Variants in USH2A observed in about 807,000 individuals in gnomAD.
The protein encoded by USH2A is usherin.
Under a neutral mutation model 538.9 loss-of-function variants are expected in USH2A, and 443 were observed. That is an observed-to-expected ratio of 0.82 (90% CI 0.76 to 0.89). The LOEUF (loss-of-function observed/expected upper bound fraction) is 0.89, where lower values mean the gene tolerates loss of function less well. Among genes scored for constraint, USH2A ranks in the 40% least tolerant of loss-of-function variants. USH2A has a pLI of 0.00. For synonymous variants in USH2A, 2,413 were observed against 2,273.5 expected, an observed-to-expected ratio of 1.06 and a Z score of -1.75; for missense variants, 6,633 against 6,324.8, an observed-to-expected ratio of 1.05 and a Z score of -1.65.
chr1:215,852,070 A>T (rs535249919), intron 44 of USH2A, among the ~76,000 whole-genome samples: 24 of 152,324 alleles, frequency 1.6e-4, no homozygotes, highest in Admixed American at 3.9e-4. Flanking sequence ...TGATAAACCC[A>T]CAGCTAACAT....
intron 3 of USH2A, among the ~76,000 whole-genome samples, chr1:216,366,857 T>C (rs1361785027): frequency 6.6e-6 from 1 of 152,198 alleles, no homozygotes; most frequent in Admixed American, 6.5e-5. Flanking sequence ...GTAGTAGGGC[T>C]GCATTTTTTT....
At chr1:216,256,512 A>C (rs2102559626) in intron 11 of USH2A, among the ~76,000 whole-genome samples, 1 of 151,976 alleles carries the variant, frequency 6.6e-6, no homozygotes, top group African/African-American at 2.4e-5. Flanking sequence ...ACGGTATACA[A>C]TTGTCCCTTG....
rs202172477 is a variant in USH2A at position 215,790,125 on chromosome 1, A to T, written c.10116T>A (p.Asn3372Lys). The change falls in exon 51 of 72, where the codon AAT (asparagine) becomes AAA (lysine). Residue 3372 changes from asparagine to lysine, a missense_variant. Transcript: ENST00000307340. ...ATTTCAAAGGATTATATCCAACTCCATTACAGCATTTCTGGCTCTTTGGAA... is the reference window on the plus strand; with the variant it reads ...ATTTCAAAGGATTATATCCAACTCCTTTACAGCATTTCTGGCTCTTTGGAA... ...ELIPKSQKCC[N>K]GVGYNPLKYV... The T allele has an allele frequency of 7.9e-5, 127 of 1,613,790 alleles. No homozygotes were observed. The highest frequency in any genetic ancestry group is 6.8e-5 in the Non-Finnish European group (80 of 1,179,980).
chr1:215,832,890 T>G (rs1663366056), intron 47 of USH2A, among the ~76,000 whole-genome samples: 1 of 151,934 alleles, frequency 6.6e-6, no homozygotes, highest in African/African-American at 2.4e-5. Context: ...GTAAGCTCAC[T>G]ATTCCAAAAT....
At chr1:216,297,267 A>G (rs908354676) in intron 9 of USH2A, among the ~76,000 whole-genome samples, 1 of 152,046 alleles carries the variant, frequency 6.6e-6, no homozygotes, top group African/African-American at 2.4e-5. Flanking sequence ...CCCTCAGCAA[A>G]CTTGCCTACT....
chr1:216,305,457 A>C (rs1334797140), intron 9 of USH2A, among the ~76,000 whole-genome samples: 1 of 152,044 alleles, frequency 6.6e-6, no homozygotes, highest in South Asian at 2.1e-4. Context: ...GTGAGTTCTT[A>C]TCCTTTCTGC....
In USH2A at chr1:215,623,445, G is replaced by A. The variant is rs1655876000; in HGVS notation, c.*2336C>T. 2 of 151,404 alleles carry A rather than the reference G, an allele frequency of 1.3e-5. No individual in the cohort carries two copies. The highest frequency in any genetic ancestry group is 4.1e-4 in the South Asian group (2 of 4,820). The allele number at this position is 151,404 out of a possible 1,614,324, so 9.4% of individuals were successfully genotyped here. A position where few individuals can be genotyped will look rare whatever the true frequency, so the allele number is the denominator to read the frequency against. On this transcript the variant is annotated 3_prime_UTR_variant, in exon 72 of 72. Coordinates refer to ENST00000307340, the MANE Select transcript of USH2A (RefSeq NM_206933.4). ...AGCTTTAAAAAGTACTGATGCCTCA[G>A]CCACACACCCCAGATCAACCGAATC...
At position 215,628,469 on chromosome 1, in the gene USH2A, G is replaced by A. The variant is rs529556960; in HGVS notation, c.15519+345C>T. Among the ~76,000 whole-genome samples the A allele has an allele frequency of 1.7e-3, 258 of 152,200 alleles. 1 individual carries two copies. Among genetic ancestry groups the A allele is most frequent in the African/African-American group, 5.9e-3 (247 of 41,516 alleles). On this transcript the variant is annotated intron_variant, in intron 71 of 71. Transcript: ENST00000307340. ...GGCTAATTTTTGTATTTTTAGTACA[G>A]ACAGGGTTTCACCATGTTGGCCAGG...
chr1:215,998,899 G>A lies in USH2A; in HGVS notation c.6645C>T (p.Leu2215=). The change falls in exon 34 of 72, where the codon CTC becomes CTT. Residue 2215 remains leucine, a synonymous_variant. Coordinates refer to ENST00000307340, the MANE Select transcript of USH2A (RefSeq NM_206933.4). The stretch of plus-strand genomic sequence containing the variant: ...GAAATAAACTTACTCCCAGCTTGAT[G>A]AGATATTTATTACCAGGTAAAACGT... ...LQYVLPGNKY[L]IKLGACTGGG... 1 of 1,613,006 alleles carries A rather than the reference G, an allele frequency of 6.2e-7. No individual in the cohort carries two copies. Among genetic ancestry groups the A allele is most frequent in the South Asian group, 1.1e-5 (1 of 91,050 alleles).
chr1:215,802,173 G>A (rs1006811845), intron 49 of USH2A, among the ~76,000 whole-genome samples: 12 of 151,870 alleles, frequency 7.9e-5, no homozygotes, highest in Non-Finnish European at 7.4e-5. Context: ...ATTCTTAGAC[G>A]AAAGCAAAGG....
intron 64 of USH2A, among the ~76,000 whole-genome samples, chr1:215,665,386 G>A (rs751216454): frequency 1.1e-4 from 17 of 152,148 alleles, no homozygotes; most frequent in Non-Finnish European, 1.3e-4. Context: ...CTGAGTGTGC[G>A]TGGGTGCTTA....
intron 61 of USH2A, among the ~76,000 whole-genome samples, chr1:215,707,051 G>A (rs1302257778): frequency 6.6e-6 from 1 of 152,174 alleles, no homozygotes; most frequent in Non-Finnish European, 1.5e-5. Context: ...GCAGATCAAA[G>A]ATTGTTTTTA....
chr1:216,087,055 C>A, intron 23 of USH2A: 1 of 482,860 alleles, frequency 2.1e-6, no homozygotes, highest in Non-Finnish European at 3.9e-6. Flanking sequence ...TACCCATAGG[C>A]ACCCCCTAAG....
chr1:216,262,138 T>G (rs1390623846), intron 11 of USH2A, among the ~76,000 whole-genome samples: 1 of 152,062 alleles, frequency 6.6e-6, no homozygotes, highest in South Asian at 2.1e-4. Context: ...CAGGTATCAA[T>G]GTAGGAACAC....
chr1:215,731,106 C>A (rs1659983058), intron 60 of USH2A, among the ~76,000 whole-genome samples: 2 of 152,132 alleles, frequency 1.3e-5, no homozygotes, highest in South Asian at 4.1e-4. Context: ...CTCACGAATT[C>A]CCAAATTGAG....
At chr1:216,386,070 T>C (rs2038998410) in intron 3 of USH2A, among the ~76,000 whole-genome samples, 2 of 152,208 alleles carry the variant, frequency 1.3e-5, no homozygotes, top group Admixed American at 1.3e-4. Context: ...ACCAAGAGCC[T>C]AGTTAACTGG....
intron 22 of USH2A, among the ~76,000 whole-genome samples, chr1:216,094,605 C>A (rs576827149): frequency 7.2e-5 from 11 of 152,168 alleles, no homozygotes; most frequent in Non-Finnish European, 7.4e-5. Flanking sequence ...TTCACTGATG[C>A]TTCTTCTTTT....
At chr1:215,754,610 AAAG>A (rs1660731313) in intron 58 of USH2A, among the ~76,000 whole-genome samples, 1 of 152,202 alleles carries the variant, frequency 6.6e-6, no homozygotes, top group Non-Finnish European at 1.5e-5. Flanking sequence ...GGCCACAATG[AAAG>A]AAGATTAATT....
At chr1:215,956,181 T>C (rs1436613444) in intron 37 of USH2A, among the ~76,000 whole-genome samples, 5 of 152,184 alleles carry the variant, frequency 3.3e-5, no homozygotes, top group Non-Finnish European at 2.9e-5. Flanking sequence ...TTACTATTTA[T>C]TCAACAAGCA....
Sources: gnomAD v4.1 joint callset for allele counts (sites outside exome capture counted in the v4.1 genomes callset) on GRCh38, gnomAD v4.1.1 for gene constraint, MANE v1.5 for transcripts, NCBI Gene and HGNC (gene_info 2026-07-23, HGNC 2026-07-21) for gene names.